KLF12: variants seen among roughly 807,000 people sequenced by gnomAD.
The protein encoded by KLF12 is Krueppel-like factor 12.
A neutral mutation model predicts 37.8 loss-of-function variants in KLF12; 9 were observed. The ratio of observed to expected loss-of-function variants is 0.24; its 90% CI spans 0.14 to 0.42. The LOEUF is 0.42. KLF12 is among the 10% of genes least tolerant of loss of function. KLF12 has a pLI of 1.00. For missense variants in KLF12, 411 were observed against 516.0 expected (o/e 0.80, Z 1.97); for synonymous variants, 208 against 202.1 (o/e 1.03, Z -0.25).
chr13:73,708,319 T>A (rs928510035), intron 7 of KLF12, among the ~76,000 whole-genome samples: 3 of 152,212 alleles, frequency 2.0e-5, no homozygotes, highest in Admixed American at 2.0e-4. Context: ...GAGAACAGTA[T>A]GTCAATTGGG....
At chr13:73,779,340 G>A (rs1027020613) in intron 5 of KLF12, among the ~76,000 whole-genome samples, 1 of 152,168 alleles carries the variant, frequency 6.6e-6, no homozygotes, top group African/African-American at 2.4e-5. Context: ...GAGGCCTGGA[G>A]AGTGAGCACA....
chr13:73,986,593 AG>A (rs1352940107), intron 2 of KLF12, among the ~76,000 whole-genome samples: 1 of 152,196 alleles, frequency 6.6e-6, no homozygotes, highest in Non-Finnish European at 1.5e-5. Context: ...TACATGGCAA[AG>A]GGGAATGAAA....
At chr13:74,268,937 C>T in the KLF12 span, among the ~76,000 whole-genome samples, 1 of 152,114 alleles carries the variant, frequency 6.6e-6, no homozygotes, top group Non-Finnish European at 1.5e-5. Flanking sequence ...TTAATCCTGA[C>T]ACTGAAGAAA....
chr13:73,729,471 G>A (rs949716734), intron 6 of KLF12, among the ~76,000 whole-genome samples: 4 of 152,182 alleles, frequency 2.6e-5, no homozygotes, highest in Non-Finnish European at 2.9e-5. Context: ...GGTAGGTACT[G>A]TTACTGGCAA....
chr13:73,731,372 T>TA (rs1877040782), intron 6 of KLF12, among the ~76,000 whole-genome samples: 1 of 151,758 alleles, frequency 6.6e-6, no homozygotes, highest in Non-Finnish European at 1.5e-5. Context: ...AAGTAATAAT[T>TA]AAAAAAATAG....
At chr13:73,814,805 G>A (rs1883129159) in intron 4 of KLF12, among the ~76,000 whole-genome samples, 1 of 151,972 alleles carries the variant, frequency 6.6e-6, no homozygotes. Context: ...CAGACGCTAA[G>A]GATATTGTAG....
intron 1 of KLF12, among the ~76,000 whole-genome samples, chr13:74,133,646 G>T (rs1325694957): frequency 6.9e-6 from 1 of 145,876 alleles, no homozygotes; most frequent in South Asian, 2.2e-4. Context: ...AATAAAACAC[G>T]TTAAGAGAAT....
chr13:73,703,654 A>G (rs2137596589), intron 7 of KLF12, among the ~76,000 whole-genome samples: 1 of 152,346 alleles, frequency 6.6e-6, no homozygotes, highest in East Asian at 1.9e-4. Context: ...TCCATGTACC[A>G]TACTTTGCTC....
chr13:74,237,848 A>G, the KLF12 span, among the ~76,000 whole-genome samples: 5 of 152,232 alleles, frequency 3.3e-5, no homozygotes, highest in African/African-American at 1.2e-4. Flanking sequence ...GGCTGAGACA[A>G]TGGGGTTTTC....
chr13:74,241,133 C>G, the KLF12 span, among the ~76,000 whole-genome samples: 518 of 151,740 alleles, frequency 3.4e-3, 6 homozygotes, highest in African/African-American at 0.012. Context: ...GTGTGGATGT[C>G]CTTTCTGTTT....
At chr13:73,868,882 C>A (rs1046086062) in intron 3 of KLF12, among the ~76,000 whole-genome samples, 1 of 152,156 alleles carries the variant, frequency 6.6e-6, no homozygotes, top group Admixed American at 6.5e-5. Flanking sequence ...ATGAAGCTGG[C>A]ATACTTGTTA....
chr13:73,721,629 C>T (rs576902573), intron 6 of KLF12, among the ~76,000 whole-genome samples: 3 of 152,228 alleles, frequency 2.0e-5, no homozygotes, highest in East Asian at 1.9e-4. Flanking sequence ...CATAGCTCAC[C>T]GGAGCCTCAA....
At chr13:74,078,403 A>C (rs969548197) in intron 1 of KLF12, among the ~76,000 whole-genome samples, 6 of 152,250 alleles carry the variant, frequency 3.9e-5, no homozygotes, top group African/African-American at 1.4e-4. Context: ...TCATCTAGAA[A>C]CAGAAGACAC....
chr13:73,766,185 G>T (rs995602259), intron 5 of KLF12, among the ~76,000 whole-genome samples: 2 of 152,166 alleles, frequency 1.3e-5, no homozygotes, highest in African/African-American at 2.4e-5. Flanking sequence ...GGGGGAGGGG[G>T]TGTTAATTAT....
At chr13:74,146,707 A>G in the KLF12 span, among the ~76,000 whole-genome samples, 1 of 152,206 alleles carries the variant, frequency 6.6e-6, no homozygotes, top group Admixed American at 6.5e-5. Context: ...TCTTGTTACA[A>G]TATATGTATA....
chr13:73,976,640 T>C (rs971314306), intron 2 of KLF12, among the ~76,000 whole-genome samples: 2 of 152,146 alleles, frequency 1.3e-5, no homozygotes, highest in East Asian at 3.9e-4. Context: ...CTGCTTATAA[T>C]TTTTTAACGA....
intron 3 of KLF12, among the ~76,000 whole-genome samples, chr13:73,881,659 G>T (rs1235103000): frequency 1.3e-5 from 2 of 151,960 alleles, no homozygotes; most frequent in East Asian, 3.9e-4. Context: ...TGCACAACAT[G>T]ATTTTTTTTT....
chr13:73,927,839 C>T (rs900809476), intron 3 of KLF12, among the ~76,000 whole-genome samples: 19 of 141,628 alleles, frequency 1.3e-4, no homozygotes, highest in Non-Finnish European at 3.0e-5. Flanking sequence ...CCGCCTGCCT[C>T]GGCCTCCCAA....
At chr13:73,903,944 G>T (rs546157567) in intron 3 of KLF12, among the ~76,000 whole-genome samples, 1 of 152,256 alleles carries the variant, frequency 6.6e-6, no homozygotes, top group Non-Finnish European at 1.5e-5. Context: ...CACACCTTTG[G>T]TTCCATTCTC....
Sources: allele counts gnomAD v4.1 joint callset (sites outside exome capture counted in the v4.1 genomes callset), GRCh38; gene constraint gnomAD v4.1.1; transcripts MANE v1.5; gene names NCBI Gene and HGNC (gene_info 2026-07-23, HGNC 2026-07-21).